The following FGF1 variants were observed in gnomAD, a reference collection of about 807,000 sequenced individuals.
The protein encoded by FGF1 is fibroblast growth factor 1, also known as beta-endothelial cell growth factor.
FGF1 carries 9 observed loss-of-function variants against 13.4 expected under a neutral mutation model. That is an observed-to-expected ratio of 0.67 (90% confidence interval 0.40 to 1.17). FGF1 has a LOEUF of 1.17. Among genes scored for constraint, FGF1 ranks in the 50% most tolerant of loss-of-function variants. The pLI, the probability that FGF1 is intolerant of heterozygous loss-of-function variation, is 0.01. For missense variants in FGF1, 156 were observed against 192.7 expected (o/e 0.81, Z 1.13); for synonymous variants, 93 against 79.0 (o/e 1.18, Z -0.94).
chr5:142,634,192 C>CA (rs1491324574), intron 1 of FGF1, among the ~76,000 whole-genome samples: 1,048 of 52,876 alleles, frequency 0.02, 73 homozygotes, highest in South Asian at 0.027. Flanking sequence ...GACTCCATCT[C>CA]AAGAAAAAAA....
At chr5:142,651,956 A>T (rs1170869610) in intron 1 of FGF1, among the ~76,000 whole-genome samples, 1 of 152,038 alleles carries the variant, frequency 6.6e-6, no homozygotes, top group African/African-American at 2.4e-5. Context: ...TGTAATAACG[A>T]TAAACATGAA....
chr5:142,669,679 T>G (rs1597402533), intron 1 of FGF1, among the ~76,000 whole-genome samples: 1 of 151,892 alleles, frequency 6.6e-6, no homozygotes, highest in Non-Finnish European at 1.5e-5. Context: ...GCGGCTGAGG[T>G]GAACAGAGTC....
intron 1 of FGF1, chr5:142,672,072 A>C (rs1432588977): frequency 6.6e-6 from 1 of 152,214 alleles, no homozygotes; most frequent in Non-Finnish European, 1.5e-5. Context: ...TACAAGTTAA[A>C]AGACTATGCA....
intron 1 of FGF1, among the ~76,000 whole-genome samples, chr5:142,683,108 A>T (rs1317901217): frequency 6.6e-6 from 1 of 152,186 alleles, no homozygotes; most frequent in Non-Finnish European, 1.5e-5. Context: ...TAGATGTTAG[A>T]TTTACCTAAA....
intron 1 of FGF1, among the ~76,000 whole-genome samples, chr5:142,660,250 C>T (rs968850476): frequency 7.2e-5 from 11 of 152,240 alleles, no homozygotes; most frequent in African/African-American, 9.6e-5. Flanking sequence ...GCCCTCCCTG[C>T]GGCATGGTTT....
intron 1 of FGF1, among the ~76,000 whole-genome samples, chr5:142,634,927 G>C (rs762365751): frequency 3.3e-5 from 5 of 151,660 alleles, no homozygotes; most frequent in Non-Finnish European, 5.9e-5. Flanking sequence ...GTCAGGCTGA[G>C]TAATTAGCCA....
At chr5:142,603,103 C>T (rs150579394) in intron 2 of FGF1, among the ~76,000 whole-genome samples, 107 of 152,282 alleles carry the variant, frequency 7.0e-4, no homozygotes, top group African/African-American at 2.5e-3. Context: ...AGAGTGTAGC[C>T]GTGAGGGAAC....
intron 1 of FGF1, among the ~76,000 whole-genome samples, chr5:142,667,491 C>A (rs574910514): frequency 2.2e-4 from 32 of 147,182 alleles, no homozygotes; most frequent in African/African-American, 7.6e-4. Context: ...GAGGCTGAGG[C>A]AGGAGAAAGG....
intron 1 of FGF1, among the ~76,000 whole-genome samples, chr5:142,640,587 G>A (rs541010067): frequency 1.8e-4 from 27 of 152,090 alleles, no homozygotes; most frequent in Non-Finnish European, 3.2e-4. Context: ...AGCAGGATGC[G>A]GTACCTTCTT....
At chr5:142,675,288 G>A (rs1772321607) in intron 1 of FGF1, among the ~76,000 whole-genome samples, 2 of 152,138 alleles carry the variant, frequency 1.3e-5, no homozygotes, top group Admixed American at 1.3e-4. Flanking sequence ...ACCCAGGGGA[G>A]CAGCAAGTGA....
intron 2 of FGF1, among the ~76,000 whole-genome samples, chr5:142,695,684 G>A (rs771455418): frequency 2.0e-5 from 3 of 151,768 alleles, no homozygotes; most frequent in Admixed American, 6.6e-5. Flanking sequence ...TTTTCTATTG[G>A]TCAATTAACT....
At position 142,593,636 on chromosome 5, in the gene FGF1, G is replaced by A. The variant is rs979179491; in HGVS notation, c.*1654C>T. ...TCAAAAGAAAATTTGTAATAGCACA[G>A]TGGAAAACAAAAATCTCATTTTATA... On this transcript the variant is annotated 3_prime_UTR_variant, in exon 4 of 4. Transcript: ENST00000337706. The A allele has an allele frequency of 6.6e-6, 1 of 152,288 alleles. No homozygotes were observed. Among genetic ancestry groups the A allele is most frequent in the Admixed American group, 6.5e-5 (1 of 15,270 alleles). The allele number at this position is 152,288 out of a possible 1,614,324, so 9.4% of individuals were successfully genotyped here.
At chr5:142,679,158 G>T (rs1773222096) in intron 1 of FGF1, among the ~76,000 whole-genome samples, 1 of 152,048 alleles carries the variant, frequency 6.6e-6, no homozygotes, top group African/African-American at 2.4e-5. Flanking sequence ...CCTCAGTATG[G>T]CCGCACAGTC....
chr5:142,619,574 C>T (rs373607823), intron 1 of FGF1, among the ~76,000 whole-genome samples: 27 of 152,124 alleles, frequency 1.8e-4, no homozygotes, highest in African/African-American at 5.6e-4. Flanking sequence ...TTAGTCCAAG[C>T]GGCAACTGGT....
intron 2 of FGF1, among the ~76,000 whole-genome samples, chr5:142,692,004 T>G (rs543396658): frequency 6.6e-6 from 1 of 152,334 alleles, no homozygotes; most frequent in South Asian, 2.1e-4. Context: ...AATTGTGCAC[T>G]ATCTCCATTG....
rs761355953 is a variant in FGF1 at position 142,614,098 on chromosome 5, T to G, written c.30A>C (p.Thr10=). 2.5e-6 allele frequency: 4 copies of G among 1,614,232 alleles called. No homozygotes were observed. The South Asian group carries it at 4.4e-5, about 18-fold the overall frequency. MAEGEITTF[T]ALTEKFNLPP... ...GCAGATTAAACTTCTCGGTCAGGGC[T>G]GTGAAGGTGGTGATTTCCCCTTCAG... The change falls in exon 2 of 4, where the codon ACA becomes ACC. Residue 10 remains threonine (T), a synonymous_variant. Transcript: ENST00000337706.
chr5:142,646,347 C>T (rs6871357), intron 1 of FGF1, among the ~76,000 whole-genome samples: 11,841 of 151,402 alleles, frequency 0.078, 578 homozygotes, highest in African/African-American at 0.13. Flanking sequence ...GTGCCTGCCA[C>T]CGTGCCCAGC....
upstream of FGF1, among the ~76,000 whole-genome samples, chr5:142,689,918 G>C (rs1181666338): frequency 6.7e-6 from 1 of 150,366 alleles, no homozygotes; most frequent in African/African-American, 2.4e-5. Flanking sequence ...AGCCAGAATG[G>C]TCTCGATCTC....
At chr5:142,656,060 C>A (rs189519691) in intron 1 of FGF1, among the ~76,000 whole-genome samples, 2 of 152,146 alleles carry the variant, frequency 1.3e-5, no homozygotes, top group Non-Finnish European at 2.9e-5. Flanking sequence ...ATATTAAATA[C>A]CAAGTCCTAG....
Sources: allele counts gnomAD v4.1 joint callset (sites outside exome capture counted in the v4.1 genomes callset), GRCh38; gene constraint gnomAD v4.1.1; transcripts MANE v1.5; gene names NCBI Gene and HGNC (gene_info 2026-07-23, HGNC 2026-07-21).